Variants in POTEE observed in about 807,000 individuals in gnomAD.
POTEE encodes ANKRD26-like family C member 1A.
A neutral mutation model predicts 74.2 loss-of-function variants in POTEE; 21 were observed. The observed-to-expected ratio is 0.28, with a 90% CI of 0.20 to 0.41. The LOEUF is 0.41. Ranked by LOEUF, POTEE falls within the 10% of genes least tolerant of loss-of-function variation. POTEE has a pLI of 1.00. For missense variants in POTEE, 525 were observed against 1,158.6 expected, an observed-to-expected ratio of 0.45 and a Z score of 7.94; for synonymous variants, 211 against 432.8, an observed-to-expected ratio of 0.49 and a Z score of 6.36.
intron 9 of POTEE, among the ~76,000 whole-genome samples, chr2:131,233,505 C>T (rs1212577678): frequency 6.6e-6 from 1 of 151,608 alleles, no homozygotes; most frequent in African/African-American, 2.4e-5. Flanking sequence ...CCTTGTCATA[C>T]ATCCTTGGAG....
At chr2:131,210,376 G>A (rs1308998090) in intron 1 of POTEE, among the ~76,000 whole-genome samples, 28 of 149,584 alleles carry the variant, frequency 1.9e-4, no homozygotes, top group African/African-American at 7.0e-4. Flanking sequence ...ACTGGCACAG[G>A]GTGTGTTGGG....
At chr2:131,230,762 A>G in intron 8 of POTEE, 74 bp from the exon 9 acceptor site, 2 of 1,539,430 alleles carry the variant, frequency 1.3e-6, no homozygotes, top group Non-Finnish European at 1.8e-6. Context: ...TACTCTTAAT[A>G]ATTCTACATT....
chr2:131,263,527 T>G lies in POTEE; in HGVS notation c.2072T>G (p.Leu691Ter). The G allele has an allele frequency of 6.2e-7, 1 of 1,609,506 alleles. No individual in the cohort carries two copies. Among genetic ancestry groups the G allele is most frequent in the Non-Finnish European group, 8.5e-7 (1 of 1,178,534 alleles). The change falls in exon 18 of 18, where the codon TTA (leucine) becomes TGA (stop). Residue 691 changes from leucine to a stop codon, truncating the protein, a stop_gained. Transcript: ENST00000683005. LOFTEE classifies it high-confidence loss of function. ...ESVKKKNDNL[L>*]KALQLNELTM... ...GTGAAAAAAAAGAATGATAATCTTT[T>G]AAAGGCTCTACAATTGAATGAGCTC...
At position 131,217,688 on chromosome 2, in the gene POTEE, G is replaced by A. The variant is rs1700474536; in HGVS notation, c.-94+5G>A. Reference sequence around the variant, plus strand: ...GTGGCGCCAAGACTTAAGCAGGCGCGTTGCATGCATCGGCCAGTGTCTGTG... The same window carrying A: ...GTGGCGCCAAGACTTAAGCAGGCGCATTGCATGCATCGGCCAGTGTCTGTG... On this transcript the variant is annotated splice_donor_5th_base_variant and intron_variant, in intron 3 of 17. Transcript: ENST00000683005. Among the ~76,000 whole-genome samples, 1 of 150,234 alleles carries A rather than the reference G, an allele frequency of 6.7e-6. No homozygotes were observed. The highest frequency in any genetic ancestry group is 2.5e-5 in the African/African-American group (1 of 40,718).
intron 16 of POTEE, among the ~76,000 whole-genome samples, chr2:131,256,966 A>C (rs567913696): frequency 1.3e-5 from 2 of 152,266 alleles, no homozygotes; most frequent in African/African-American, 2.4e-5. Context: ...TTTAACTTCA[A>C]ACCTGTTTGT....
At chr2:131,229,363 A>G (rs1448949981) in intron 8 of POTEE, among the ~76,000 whole-genome samples, 2 of 151,948 alleles carry the variant, frequency 1.3e-5, no homozygotes, top group Non-Finnish European at 2.9e-5. Context: ...AAAGTCCCAT[A>G]TGAACCTTGC....
At chr2:131,218,191 G>T in intron 3 of POTEE, 119 bp from the exon 4 acceptor site, 2 of 931,862 alleles carry the variant, frequency 2.1e-6, no homozygotes, top group Admixed American at 2.9e-5. Flanking sequence ...GGGTCGCCCA[G>T]GGGGGGCGTG....
chr2:131,263,812 G>A lies in POTEE; in HGVS notation c.2357G>A (p.Trp786Ter), dbSNP rs1475260880. 1 of 1,613,840 alleles carries A rather than the reference G, an allele frequency of 6.2e-7. No homozygotes were observed. Among genetic ancestry groups the A allele is most frequent in the African/African-American group, 1.3e-5 (1 of 74,896 alleles). The change falls in exon 18 of 18, where the codon TGG (tryptophan) becomes TAG (stop). Residue 786 changes from tryptophan to a stop codon, truncating the protein, a stop_gained. Coordinates refer to ENST00000683005, the MANE Select transcript of POTEE (RefSeq NM_001083538.3). LOFTEE classifies it high-confidence loss of function. ...AACTGGGATGACATGGAGAAGATCT[G>A]GCACCACACCTTCTACAACGAGCTG... ...ITNWDDMEKI[W>*]HHTFYNELRV...
chr2:131,224,930 T>TA (rs1241046014), intron 6 of POTEE, among the ~76,000 whole-genome samples: 1 of 152,080 alleles, frequency 6.6e-6, no homozygotes, highest in Admixed American at 6.5e-5. Flanking sequence ...AGGGGGAAGA[T>TA]AAACAAGTAA....
chr2:131,216,843 G>T (rs1397025259), intron 2 of POTEE, among the ~76,000 whole-genome samples: 10 of 151,580 alleles, frequency 6.6e-5, no homozygotes, highest in Non-Finnish European at 1.2e-4. Context: ...GAAATGTCCA[G>T]AATAGGCAAA....
At position 131,263,698 on chromosome 2, in the gene POTEE, A is replaced by C. The variant is rs1173735900; in HGVS notation, c.2243A>C (p.His748Pro). 1 of 1,608,370 alleles carries C rather than the reference A, an allele frequency of 6.2e-7. No individual in the cohort carries two copies. The highest frequency in any genetic ancestry group is 1.7e-5 in the Admixed American group (1 of 59,728). Reference protein sequence around the residue: ...PRQQGMMGGMHQKESYVGKEA... With the variant: ...PRQQGMMGGMPQKESYVGKEA... Reference sequence around the variant, plus strand: ...CAGCAGGGCATGATGGGGGGCATGCATCAGAAAGAGTCCTATGTGGGCAAG... The same window carrying C: ...CAGCAGGGCATGATGGGGGGCATGCCTCAGAAAGAGTCCTATGTGGGCAAG... The change falls in exon 18 of 18, where the codon CAT becomes CCT. Residue 748 changes from histidine (H) to proline (P), a missense_variant. Physicochemically the swap from His to Pro is moderately conservative, Grantham distance 77. Coordinates refer to ENST00000683005, the MANE Select transcript of POTEE (RefSeq NM_001083538.3).
At chr2:131,224,201 G>A (rs1700714517) in intron 6 of POTEE, among the ~76,000 whole-genome samples, 158 bp downstream of exon 6, 1 of 150,442 alleles carries the variant, frequency 6.6e-6, no homozygotes, top group South Asian at 2.1e-4. Context: ...TTTAAATATT[G>A]TTACTTTCAA....
intron 4 of POTEE, among the ~76,000 whole-genome samples, chr2:131,222,570 C>A (rs1305818308): frequency 9.9e-5 from 15 of 151,916 alleles, no homozygotes; most frequent in African/African-American, 3.6e-4. Flanking sequence ...CTGAATGTAA[C>A]AGTTGAAAAA....
chr2:131,211,306 T>C (rs955503704), intron 2 of POTEE, among the ~76,000 whole-genome samples, 123 bp downstream of exon 2: 5 of 151,036 alleles, frequency 3.3e-5, no homozygotes, highest in African/African-American at 1.2e-4. Flanking sequence ...GTCTGGGGAC[T>C]GGGAAGGGGG....
At chr2:131,229,820 T>G (rs1466005740) in intron 8 of POTEE, 3 of 152,202 alleles carry the variant, frequency 2.0e-5, no homozygotes, top group African/African-American at 7.2e-5. Flanking sequence ...TGATTTGTGC[T>G]GCAAAAATAG....
At chr2:131,237,894 G>T (rs1445594838) in intron 10 of POTEE, among the ~76,000 whole-genome samples, 2 of 152,404 alleles carry the variant, frequency 1.3e-5, no homozygotes, top group Non-Finnish European at 1.5e-5. Context: ...CAAACAAATG[G>T]TGACCAAATT....
At chr2:131,236,316 G>A (rs952306988) in intron 9 of POTEE, among the ~76,000 whole-genome samples, 51 of 152,062 alleles carry the variant, frequency 3.4e-4, no homozygotes, top group African/African-American at 1.2e-3. Flanking sequence ...GGGTCACCAC[G>A]ACCTTTCCTG....
At chr2:131,232,845 C>G (rs1823650) in intron 9 of POTEE, among the ~76,000 whole-genome samples, 1 of 151,090 alleles carries the variant, frequency 6.6e-6, no homozygotes, top group African/African-American at 2.4e-5. Context: ...AACACAACAT[C>G]GCAAGGGCTG....
intron 4 of POTEE, among the ~76,000 whole-genome samples, chr2:131,220,704 G>T (rs943772030): frequency 3.9e-5 from 6 of 152,028 alleles, no homozygotes; most frequent in Non-Finnish European, 8.8e-5. Context: ...GCTTACGCCC[G>T]TTACCCCAGC....
Sources: gnomAD v4.1 joint callset for allele counts (sites outside exome capture counted in the v4.1 genomes callset) on GRCh38, gnomAD v4.1.1 for gene constraint, MANE v1.5 for transcripts, NCBI Gene and HGNC (gene_info 2026-07-23, HGNC 2026-07-21) for gene names.